The following BBS9 variants were observed in gnomAD, a reference collection of about 807,000 sequenced individuals.
BBS9 encodes Bardet-Biedl syndrome 9.
A neutral mutation model predicts 117.7 loss-of-function variants in BBS9; 89 were observed. The ratio of observed to expected loss-of-function variants is 0.76; its 90% CI spans 0.64 to 0.90. The LOEUF (loss-of-function observed/expected upper bound fraction) is 0.90. BBS9 is among the 40% of genes least tolerant of loss of function. The pLI is 0.00. For missense variants in BBS9, 982 were observed against 1,042.2 expected, an observed-to-expected ratio of 0.94 and a Z score of 0.80; for synonymous variants, 379 against 370.9, an observed-to-expected ratio of 1.02 and a Z score of -0.25.
intron 1 of BBS9, among the ~76,000 whole-genome samples, chr7:33,136,877 T>G (rs1003640209): frequency 1.3e-5 from 2 of 152,140 alleles, no homozygotes; most frequent in Non-Finnish European, 2.9e-5. Context: ...TTTGGAGTGG[T>G]TTTTGAAGAA....
intron 5 of BBS9, among the ~76,000 whole-genome samples, chr7:33,186,001 C>T (rs746959441): frequency 1.7e-4 from 26 of 152,158 alleles, no homozygotes; most frequent in Non-Finnish European, 3.1e-4. Flanking sequence ...AATGCTTTGT[C>T]TTTTATTAAA....
chr7:33,349,265 G>A (rs757130219), intron 13 of BBS9, 95 bp downstream of exon 13: 3 of 884,918 alleles, frequency 3.4e-6, no homozygotes, highest in Non-Finnish European at 5.6e-6. Context: ...ATGTCTGAAT[G>A]GTGAGATTGG....
At chr7:33,573,340 A>C (rs1329466187) in intron 21 of BBS9, among the ~76,000 whole-genome samples, 1 of 152,090 alleles carries the variant, frequency 6.6e-6, no homozygotes. Flanking sequence ...GAAGAAGTAA[A>C]TGTTTATGAT....
intron 21 of BBS9, among the ~76,000 whole-genome samples, chr7:33,611,240 C>T (rs1242898126): frequency 1.3e-5 from 2 of 151,760 alleles, no homozygotes; most frequent in Admixed American, 1.3e-4. Context: ...TTCTATGTGC[C>T]AGGCCTCCCA....
chr7:33,320,097 G>A (rs1187486580), intron 9 of BBS9, among the ~76,000 whole-genome samples: 7 of 151,930 alleles, frequency 4.6e-5, no homozygotes, highest in Non-Finnish European at 1.0e-4. Flanking sequence ...TCCCTTCTTT[G>A]TATTACAAAC....
chr7:33,454,530 C>A (rs1348402927), intron 19 of BBS9, among the ~76,000 whole-genome samples: 1 of 152,242 alleles, frequency 6.6e-6, no homozygotes, highest in Non-Finnish European at 1.5e-5. Flanking sequence ...TGGAAATAAT[C>A]TTTGATACTG....
intron 21 of BBS9, among the ~76,000 whole-genome samples, chr7:33,583,613 G>A (rs919887199): frequency 1.3e-5 from 2 of 152,054 alleles, no homozygotes; most frequent in African/African-American, 2.4e-5. Flanking sequence ...AAATAAAGAC[G>A]CCAAAACATG....
rs189057313 is a variant in BBS9, at chr7:33,526,353, C to T, written c.2299-7601C>T. Among the ~76,000 whole-genome samples, 346 of 152,268 alleles carry T rather than the reference C, an allele frequency of 2.3e-3. 1 individual carries two copies. Among genetic ancestry groups the T allele is most frequent in the Middle Eastern group, 0.01 (3 of 294 alleles). On this transcript the variant is annotated intron_variant, in intron 20 of 22. Transcript: ENST00000242067. ...ATATCCTGTAGAGTGTTTTCCAACT[C>T]GGTTCCATTCTCCCCATCACTTTCA...
chr7:33,289,011 A>G (rs892306218), intron 9 of BBS9, among the ~76,000 whole-genome samples: 3 of 152,224 alleles, frequency 2.0e-5, no homozygotes, highest in Non-Finnish European at 2.9e-5. Flanking sequence ...CGGTAGGTCC[A>G]TTCAGAGTAT....
intron 19 of BBS9, among the ~76,000 whole-genome samples, chr7:33,406,095 A>T (rs976421146): frequency 6.6e-6 from 1 of 152,018 alleles, no homozygotes; most frequent in Non-Finnish European, 1.5e-5. Flanking sequence ...TCATTTCGTT[A>T]TGTACCCAGT....
At chr7:33,208,843 A>G (rs193301747) in intron 5 of BBS9, among the ~76,000 whole-genome samples, 1 of 151,962 alleles carries the variant, frequency 6.6e-6, no homozygotes, top group Non-Finnish European at 1.5e-5. Flanking sequence ...ATAGTAGGAT[A>G]TATATTTATG....
intron 21 of BBS9, among the ~76,000 whole-genome samples, chr7:33,555,622 G>T (rs1378374225): frequency 6.6e-6 from 1 of 152,154 alleles, no homozygotes; most frequent in African/African-American, 2.4e-5. Context: ...TTTGGTAGTT[G>T]ATTGGAGATA....
chr7:33,435,773 A>G (rs556063615), intron 19 of BBS9, among the ~76,000 whole-genome samples: 77 of 144,686 alleles, frequency 5.3e-4, no homozygotes, highest in South Asian at 9.2e-4. Context: ...AAGGCCATTC[A>G]GTTGGTTCCA....
intron 21 of BBS9, among the ~76,000 whole-genome samples, chr7:33,614,973 G>A (rs1865058967): frequency 6.6e-6 from 1 of 152,028 alleles, no homozygotes; most frequent in Admixed American, 6.6e-5. Flanking sequence ...AATACCTGAT[G>A]TCAGTCCACA....
chr7:33,371,328 A>G (rs1167153778), intron 17 of BBS9, among the ~76,000 whole-genome samples: 1 of 152,172 alleles, frequency 6.6e-6, no homozygotes, highest in Non-Finnish European at 1.5e-5. Flanking sequence ...AGTGTGGTCT[A>G]AGCTGCAGCC....
intron 21 of BBS9, among the ~76,000 whole-genome samples, chr7:33,619,354 TAAAG>T (rs1399653707): frequency 6.6e-6 from 1 of 152,058 alleles, no homozygotes; most frequent in Non-Finnish European, 1.5e-5. Context: ...CCTAAATACA[TAAAG>T]AAAATATTAA....
At position 33,533,860 on chromosome 7, in the gene BBS9, G is replaced by A; in HGVS notation, c.2299-94G>A. ...CACTCTTCACAGGTTCCCAACACTT[G>A]AACATAAACACTCAATAATCTGTAT... On this transcript the variant is annotated intron_variant, in intron 20 of 22. Coordinates refer to ENST00000242067, the MANE Select transcript of BBS9 (RefSeq NM_198428.3). 3 of 1,410,612 alleles carry A rather than the reference G, an allele frequency of 2.1e-6. No homozygotes were observed. In the South Asian group the frequency reaches 3.5e-5, roughly 16 times the overall value. 87.4% of individuals were successfully genotyped at this position (1,410,612 alleles called of 1,614,324 possible). A position where few individuals can be genotyped will look rare whatever the true frequency, so the allele number is the denominator to read the frequency against.
intron 19 of BBS9, among the ~76,000 whole-genome samples, chr7:33,456,813 A>T (rs1433622172): frequency 6.6e-6 from 1 of 152,250 alleles, no homozygotes; most frequent in East Asian, 1.9e-4. Context: ...AACATCTCCA[A>T]ACAGTTCAAG....
chr7:33,566,079 A>C (rs1007494753), intron 21 of BBS9, among the ~76,000 whole-genome samples: 1 of 151,272 alleles, frequency 6.6e-6, no homozygotes, highest in Non-Finnish European at 1.5e-5. Flanking sequence ...TCCATTAGAC[A>C]GATTCTGTTG....
Sources: allele counts gnomAD v4.1 joint callset (sites outside exome capture counted in the v4.1 genomes callset), GRCh38; gene constraint gnomAD v4.1.1; transcripts MANE v1.5; gene names NCBI Gene and HGNC (gene_info 2026-07-23, HGNC 2026-07-21).